The following CDK13 variants were observed in gnomAD, a reference collection of about 807,000 sequenced individuals.
The protein encoded by CDK13 is cyclin dependent kinase 13.
In CDK13, 40 loss-of-function variants were observed where a neutral mutation model predicts 137.6. The ratio of observed to expected loss-of-function variants is 0.29; its 90% CI spans 0.23 to 0.38. The LOEUF is 0.38. Among genes scored for constraint, CDK13 ranks in the 10% least tolerant of loss-of-function variants. The pLI, the probability that CDK13 is intolerant of heterozygous loss-of-function variation, is 1.00. For synonymous variants in CDK13, 869 were observed against 760.1 expected (o/e 1.14, Z -2.36); for missense variants, 1,704 against 1,951.8 (o/e 0.87, Z 2.39).
chr7:40,060,194 T>G (rs1786110483), intron 7 of CDK13, among the ~76,000 whole-genome samples: 2 of 152,206 alleles, frequency 1.3e-5, no homozygotes, highest in Admixed American at 1.3e-4. Context: ...AATCTTTTAC[T>G]TATTCCTTTT....
In CDK13 at chr7:39,951,025, G is replaced by A; in HGVS notation, c.384G>A (p.Gln128=). ...TCTTCTCGCTGCCCCAGCCGCAGCA[G>A]GACGGCGGTGGCGGTGCTAGTAGCG... is the stretch of plus-strand genomic sequence containing the variant. ...RRVFSLPQPQ[Q]DGGGGASSGG... Residue 128 remains glutamine (Q), a synonymous_variant, in exon 1 of 14, where the codon CAG becomes CAA. Coordinates refer to ENST00000181839, the MANE Select transcript of CDK13 (RefSeq NM_003718.5). The A allele has an allele frequency of 7.7e-7, 1 of 1,296,628 alleles. No individual in the cohort carries two copies. The highest frequency in any genetic ancestry group is 9.8e-7 in the Non-Finnish European group (1 of 1,025,008). The allele number at this position is 1,296,628 out of a possible 1,614,324, so 80.3% of individuals were successfully genotyped here.
At chr7:40,057,786 G>A (rs1422788021) in intron 7 of CDK13, among the ~76,000 whole-genome samples, 1 of 152,166 alleles carries the variant, frequency 6.6e-6, no homozygotes, top group African/African-American at 2.4e-5. Context: ...GAAAAAATTG[G>A]TTTTGTTTCT....
At chr7:40,081,412 C>G (rs906772684) in intron 11 of CDK13, among the ~76,000 whole-genome samples, 1 of 152,102 alleles carries the variant, frequency 6.6e-6, no homozygotes, top group African/African-American at 2.4e-5. Context: ...AAGCAACTAT[C>G]ATAGCATTTT....
chr7:39,951,352 C>G lies in CDK13; in HGVS notation c.711C>G (p.His237Gln). ...EASKSRSRHS[H>Q]SGEERAEVAK... ...CCAAGTCCCGCAGCCGCCACAGCCA[C>G]AGCGGCGAGGAACGGGCCGAGGTCG... Residue 237 changes from histidine to glutamine, a missense_variant, in exon 1 of 14, where the codon CAC becomes CAG. Physicochemically the swap from His to Gln is conservative, Grantham distance 24. Coordinates refer to ENST00000181839, the MANE Select transcript of CDK13 (RefSeq NM_003718.5). 12 of 1,491,652 alleles carry G rather than the reference C, an allele frequency of 8.0e-6. No homozygotes were observed. Among genetic ancestry groups the G allele is most frequent in the Non-Finnish European group, 9.8e-6 (11 of 1,127,632 alleles). The allele number at this position is 1,491,652 out of a possible 1,614,324, so 92.4% of individuals were successfully genotyped here.
At chr7:39,987,557 C>T (rs780098975) in intron 1 of CDK13, 42 bp from the exon 2 acceptor site, 1 of 1,475,912 alleles carries the variant, frequency 6.8e-7, no homozygotes, top group Admixed American at 2.4e-5. Context: ...CCAAACTGAA[C>T]CTTTCTCAAT....
rs552513934 is a variant in CDK13, at chr7:40,078,140, A to C, written c.2897+19A>C. On this transcript the variant is annotated intron_variant, in intron 10 of 13. Transcript: ENST00000181839. ...TTGTTTTGTAAGAAGGGGATGTGTA[A>C]ACATCCTTATTGCATGAATGTTTTA... 20 of 1,148,730 alleles carry C rather than the reference A, an allele frequency of 1.7e-5. No homozygotes were observed. Among genetic ancestry groups the C allele is most frequent in the Non-Finnish European group, 2.3e-5 (18 of 781,048 alleles). The allele number at this position is 1,148,730 out of a possible 1,614,324, so 71.2% of individuals were successfully genotyped here.
chr7:39,951,166 G>C lies in CDK13; in HGVS notation c.525G>C (p.Gly175=), dbSNP rs1787167735. The change falls in exon 1 of 14, where the codon GGG becomes GGC. Residue 175 remains glycine (G), a synonymous_variant. Coordinates refer to ENST00000181839, the MANE Select transcript of CDK13 (RefSeq NM_003718.5). ...ATAATAAGGT[G]GSGGSPASSS... ...CGGCGACGGCTGCCGGGGGAACGGG[G>C]GGCAGCGGCGGGAGTCCGGCCTCCT... 16 of 1,243,640 alleles carry C rather than the reference G, an allele frequency of 1.3e-5. No individual in the cohort carries two copies. The highest frequency in any genetic ancestry group is 1.6e-5 in the Non-Finnish European group (16 of 995,692). 77.0% of individuals were successfully genotyped at this position (1,243,640 alleles called of 1,614,324 possible).
chr7:39,988,327 T>G (rs1784385825), intron 2 of CDK13, 69 bp downstream of exon 2: 1 of 1,238,440 alleles, frequency 8.1e-7, no homozygotes, highest in Non-Finnish European at 1.1e-6. Context: ...AGAAATGAGT[T>G]GACCTCCCCT....
chr7:40,069,458 A>G, intron 9 of CDK13: 1 of 318,932 alleles, frequency 3.1e-6, no homozygotes, highest in Admixed American at 3.8e-5. Flanking sequence ...AGGGTCCCAT[A>G]TGCTCTTAAG....
chr7:40,087,219 C>T (rs961168789), intron 11 of CDK13, among the ~76,000 whole-genome samples: 3 of 152,178 alleles, frequency 2.0e-5, no homozygotes, highest in Non-Finnish European at 4.4e-5. Flanking sequence ...TCTCAGCTCA[C>T]TGCAACCACC....
intron 5 of CDK13, among the ~76,000 whole-genome samples, chr7:40,035,548 G>A (rs1785463341): frequency 1.3e-5 from 2 of 151,892 alleles, no homozygotes; most frequent in African/African-American, 2.4e-5. Flanking sequence ...AGGGATCTAG[G>A]TTGTGTACTC....
At chr7:40,011,043 T>G (rs942259497) in intron 5 of CDK13, among the ~76,000 whole-genome samples, 15 of 152,270 alleles carry the variant, frequency 9.9e-5, no homozygotes, top group Admixed American at 4.6e-4. Context: ...ATTAGAAAAT[T>G]CAGTATTATT....
rs575252894 is a variant in CDK13 at position 40,083,203 on chromosome 7, G to A, written c.3029+4352G>A. 2.0e-5 allele frequency among the ~76,000 whole-genome samples: 3 copies of A among 151,260 alleles called. No homozygotes were observed. The South Asian group carries it at 6.3e-4, about 32-fold the overall frequency. ...TAAAGAATTGGAGGCTGGGCATGGT[G>A]ACTCATGCCTGTAATCCCAGCACTT... On this transcript the variant is annotated intron_variant, in intron 11 of 13. Transcript: ENST00000181839.
At chr7:40,047,960 A>G (rs1371445038) in intron 7 of CDK13, 83 bp downstream of exon 7, 2 of 864,018 alleles carry the variant, frequency 2.3e-6, no homozygotes, top group African/African-American at 1.7e-5. Flanking sequence ...TGATAGTTTT[A>G]TTTTTTAAAA....
chr7:39,969,157 A>G (rs1268371516), intron 1 of CDK13, among the ~76,000 whole-genome samples: 1 of 151,964 alleles, frequency 6.6e-6, no homozygotes, highest in Non-Finnish European at 1.5e-5. Flanking sequence ...TTACAGGCAC[A>G]CACCACCACG....
chr7:39,974,945 G>A (rs1784075135), intron 1 of CDK13, among the ~76,000 whole-genome samples: 1 of 152,130 alleles, frequency 6.6e-6, no homozygotes, highest in Non-Finnish European at 1.5e-5. Context: ...AATGAGAAGG[G>A]ACTTTCTTGT....
At position 39,951,198 on chromosome 7, in the gene CDK13, G is replaced by A. The variant is rs2116057788; in HGVS notation, c.557G>A (p.Gly186Asp). The stretch of plus-strand genomic sequence containing the variant: ...GGCGGGAGTCCGGCCTCCTCCTCCG[G>A]CACCCAGCGGCGCGGGGAGGGGTCG... ...GSGGSPASSS[G>D]TQRRGEGSER... is the part of the protein sequence containing the mutation. Residue 186 changes from glycine (G) to aspartate (D), a missense_variant, in exon 1 of 14, where the codon GGC (glycine) becomes GAC (aspartate). Coordinates refer to ENST00000181839, the MANE Select transcript of CDK13 (RefSeq NM_003718.5). The A allele has an allele frequency of 4.0e-6, 5 of 1,250,658 alleles. No individual in the cohort carries two copies. The highest frequency in any genetic ancestry group is 5.0e-6 in the Non-Finnish European group (5 of 999,916). The allele number at this position is 1,250,658 out of a possible 1,614,324, so 77.5% of individuals were successfully genotyped here. A position where few individuals can be genotyped will look rare whatever the true frequency, so the allele number is the denominator to read the frequency against.
chr7:40,092,794 G>A lies in CDK13; in HGVS notation c.3245G>A (p.Gly1082Asp), dbSNP rs1786954317. ...ATAATTTTGTCTTTAGTAAAAACAGGCCCTGGACAGCACTTAAACCACAGT... is the reference window on the plus strand; with the variant it reads ...ATAATTTTGTCTTTAGTAAAAACAGACCCTGGACAGCACTTAAACCACAGT... ...GSSNVAPVKT[G>D]PGQHLNHSEL... Residue 1082 changes from glycine (G) to aspartate (D), a missense_variant, in exon 13 of 14, where the codon GGC becomes GAC. Physicochemically the swap from Gly to Asp is moderately conservative, Grantham distance 94. Transcript: ENST00000181839. The A allele has an allele frequency of 1.9e-6, 3 of 1,613,434 alleles. No homozygotes were observed. Among genetic ancestry groups the A allele is most frequent in the Non-Finnish European group, 2.5e-6 (3 of 1,179,536 alleles).
At chr7:40,043,601 T>C (rs1785662313) in intron 5 of CDK13, among the ~76,000 whole-genome samples, 1 of 152,126 alleles carries the variant, frequency 6.6e-6, no homozygotes, top group Non-Finnish European at 1.5e-5. Context: ...GAGGATCTCT[T>C]GAGTCGGGGA....
Sources: gnomAD v4.1 joint callset for allele counts (sites outside exome capture counted in the v4.1 genomes callset) on GRCh38, gnomAD v4.1.1 for gene constraint, MANE v1.5 for transcripts, NCBI Gene and HGNC (gene_info 2026-07-23, HGNC 2026-07-21) for gene names.